PLD5: variants seen among roughly 807,000 people sequenced by gnomAD.
The protein encoded by PLD5 is phospholipase D family member 5.
Under a neutral mutation model 61.1 loss-of-function variants are expected in PLD5, and 36 were observed. The observed-to-expected ratio is 0.59, with a 90% CI of 0.45 to 0.78. PLD5 has a LOEUF of 0.78. Ranked by LOEUF, PLD5 falls within the 30% of genes least tolerant of loss-of-function variation. The probability of loss-of-function intolerance (pLI) is 0.00; values close to 1 mark genes in which losing one functional copy is unlikely to be tolerated. For missense variants in PLD5, 515 were observed against 644.4 expected, an observed-to-expected ratio of 0.80 and a Z score of 2.17; for synonymous variants, 243 against 242.8, an observed-to-expected ratio of 1.00 and a Z score of -0.01.
intron 1 of PLD5, chr1:242,377,001 T>G: frequency 6.2e-7 from 1 of 1,611,804 alleles, no homozygotes; most frequent in East Asian, 2.2e-5. Context: ...TGAGGCAGCT[T>G]CAGTTTCAAA....
chr1:242,369,457 G>GAAAA (rs529143670), intron 1 of PLD5, among the ~76,000 whole-genome samples: 1 of 151,946 alleles, frequency 6.6e-6, no homozygotes, highest in Non-Finnish European at 1.5e-5. Context: ...CATTATTTGT[G>GAAAA]AAAAAAATGG....
intron 1 of PLD5, among the ~76,000 whole-genome samples, chr1:242,490,094 C>A (rs1428351043): frequency 1.3e-5 from 2 of 152,194 alleles, no homozygotes; most frequent in East Asian, 1.9e-4. Context: ...AGCTTCCTCT[C>A]CACACAGGAA....
intron 4 of PLD5, among the ~76,000 whole-genome samples, chr1:242,257,324 G>C (rs574634026): frequency 6.6e-6 from 1 of 152,230 alleles, no homozygotes; most frequent in East Asian, 1.9e-4. Context: ...ATCACTTATA[G>C]GTCTGTGTGC....
chr1:242,348,829 C>T (rs1416310842), intron 1 of PLD5, among the ~76,000 whole-genome samples: 19 of 152,186 alleles, frequency 1.2e-4, no homozygotes, highest in Non-Finnish European at 2.5e-4. Context: ...CCAAGGCGGG[C>T]AGATCATGAG....
Position 242,312,948 on chromosome 1 carries a change from G to A in PLD5, c.327-24418C>T, listed in dbSNP as rs546721231. On this transcript the variant is annotated intron_variant, in intron 2 of 9. Transcript: ENST00000536534. ...TCAGTCTCTTATTTAACATTTCCTT[G>A]GGAAAACAAGGACCTAAAACTTCCT... 2.0e-5 allele frequency among the ~76,000 whole-genome samples: 3 copies of A among 152,202 alleles called. No homozygotes were observed. In the South Asian group the frequency reaches 6.2e-4, roughly 32 times the overall value.
At chr1:242,324,400 A>G (rs1456894867) in intron 2 of PLD5, among the ~76,000 whole-genome samples, 1 of 152,240 alleles carries the variant, frequency 6.6e-6, no homozygotes, top group African/African-American at 2.4e-5. Context: ...TGTAAAGTGC[A>G]TACTTTGCGT....
intron 1 of PLD5, among the ~76,000 whole-genome samples, chr1:242,399,689 C>G (rs1405043837): frequency 6.6e-6 from 1 of 151,848 alleles, no homozygotes; most frequent in African/African-American, 2.4e-5. Context: ...AATCCCCGGG[C>G]TGCAAACTAT....
chr1:242,383,069 G>C (rs1344882022), intron 1 of PLD5, among the ~76,000 whole-genome samples: 1 of 152,000 alleles, frequency 6.6e-6, no homozygotes, highest in Non-Finnish European at 1.5e-5. Context: ...TCATTCTCCT[G>C]CACTTTCCCT....
chr1:242,309,062 G>C (rs1294821137), intron 2 of PLD5, among the ~76,000 whole-genome samples: 2 of 152,144 alleles, frequency 1.3e-5, no homozygotes, highest in East Asian at 3.9e-4. Context: ...CAAGGAAACA[G>C]TGGCACTTCC....
intron 6 of PLD5, among the ~76,000 whole-genome samples, chr1:242,117,146 C>T (rs1662006788): frequency 6.6e-6 from 1 of 152,144 alleles, no homozygotes; most frequent in Non-Finnish European, 1.5e-5. Flanking sequence ...CCAGCTTGAA[C>T]TAATTGGGAG....
chr1:242,302,441 G>C (rs1676110107), intron 2 of PLD5, among the ~76,000 whole-genome samples: 1 of 152,186 alleles, frequency 6.6e-6, no homozygotes, highest in Admixed American at 6.5e-5. Flanking sequence ...TTCTCAGCTG[G>C]GCATGGTGGC....
chr1:242,307,240 G>A (rs1463157658), intron 2 of PLD5, among the ~76,000 whole-genome samples: 1 of 152,102 alleles, frequency 6.6e-6, no homozygotes, highest in Non-Finnish European at 1.5e-5. Context: ...CTTAGAAAAA[G>A]GTGAAATCAA....
chr1:242,228,692 G>A (rs1037563006), intron 4 of PLD5, among the ~76,000 whole-genome samples: 10 of 151,872 alleles, frequency 6.6e-5, no homozygotes, highest in Non-Finnish European at 8.8e-5. Context: ...AAGGTAGGGA[G>A]GGAGGGAAGG....
chr1:242,359,234 G>A (rs1660934877), intron 1 of PLD5, among the ~76,000 whole-genome samples: 2 of 152,136 alleles, frequency 1.3e-5, no homozygotes, highest in South Asian at 4.1e-4. Flanking sequence ...TTTCCTGTGA[G>A]GTGGGAGTGA....
At position 242,100,793 on chromosome 1, in the gene PLD5, A is replaced by T. The variant is rs762009037; in HGVS notation, c.1240-11T>A. On this transcript the variant is annotated splice_polypyrimidine_tract_variant and intron_variant, in intron 8 of 9. Coordinates refer to ENST00000536534, the MANE Select transcript of PLD5 (RefSeq NM_001372062.1). ...CAGATCAAAAAATTTCTGTAAGAAA[A>T]AAAAAAAGGGGGCAGGTAAATAAGA... 6.3e-7 allele frequency: 1 copy of T among 1,577,812 alleles called. No homozygotes were observed. Among genetic ancestry groups the T allele is most frequent in the South Asian group, 1.1e-5 (1 of 89,846 alleles).
intron 3 of PLD5, among the ~76,000 whole-genome samples, chr1:242,285,063 G>A (rs938983750): frequency 6.6e-6 from 1 of 152,172 alleles, no homozygotes; most frequent in Non-Finnish European, 1.5e-5. Context: ...TCTAAACTAG[G>A]TCTCTTCCTA....
chr1:242,326,636 T>C (rs1658804121), intron 2 of PLD5, among the ~76,000 whole-genome samples: 1 of 152,038 alleles, frequency 6.6e-6, no homozygotes, highest in African/African-American at 2.4e-5. Context: ...TGAAAAAAGA[T>C]CTTGATATTT....
At chr1:242,186,729 C>T (rs1019585943) in intron 5 of PLD5, among the ~76,000 whole-genome samples, 1 of 152,138 alleles carries the variant, frequency 6.6e-6, no homozygotes, top group African/African-American at 2.4e-5. Context: ...CCCCATAAGA[C>T]AGTATAGTAT....
intron 6 of PLD5, among the ~76,000 whole-genome samples, chr1:242,115,927 T>A (rs983402946): frequency 6.6e-6 from 1 of 152,194 alleles, no homozygotes; most frequent in Admixed American, 6.5e-5. Context: ...TGTTTGTAGA[T>A]GGAGTTGCTG....
Sources: allele counts gnomAD v4.1 joint callset (sites outside exome capture counted in the v4.1 genomes callset), GRCh38; gene constraint gnomAD v4.1.1; transcripts MANE v1.5; gene names NCBI Gene and HGNC (gene_info 2026-07-23, HGNC 2026-07-21).